GRIA3: variants seen among roughly 807,000 people sequenced by gnomAD.
GRIA3 encodes glutamate ionotropic receptor AMPA type subunit 3.
A neutral mutation model predicts 63.0 loss-of-function variants in GRIA3; 3 were observed. The ratio of observed to expected loss-of-function variants is 0.05; its 90% CI spans 0.02 to 0.12. The LOEUF (loss-of-function observed/expected upper bound fraction) is 0.12, where lower values mean the gene tolerates loss of function less well. Ranked by LOEUF, GRIA3 falls within the 10% of genes least tolerant of loss-of-function variation. The probability of loss-of-function intolerance (pLI) is 1.00; values close to 1 mark genes in which losing one functional copy is unlikely to be tolerated. For missense variants in GRIA3, 347 were observed against 700.9 expected (o/e 0.50, Z 5.70); for synonymous variants, 274 against 257.9 (o/e 1.06, Z -0.60).
intron 5 of GRIA3, among the ~76,000 whole-genome samples, chrX:123,386,312 GT>G (rs745594255): frequency 9.0e-6 from 1 of 111,055 alleles, no homozygotes; most frequent in Admixed American, 9.5e-5. Context: ...TTTTGTTTTT[GT>G]TTTTTATTGA....
At position 123,404,724 on chromosome X, in the gene GRIA3, T is replaced by C. The variant is rs2147384825; in HGVS notation, c.1310T>C (p.Met437Thr). ...VTTILESPYVMYKKNHEQLEG... is the reference protein window; with the variant it reads ...VTTILESPYVTYKKNHEQLEG... ...GTCCCAAAGGAATCACCATATGTAATGTACAAGAAGAACCATGAGCAACTG... is the reference window on the plus strand; with the variant it reads ...GTCCCAAAGGAATCACCATATGTAACGTACAAGAAGAACCATGAGCAACTG... The change falls in exon 10 of 16, where the codon ATG (methionine) becomes ACG (threonine). Residue 437 changes from methionine to threonine, a missense_variant. Met to Thr is a moderately conservative substitution (Grantham distance 81). This residue lies in a region of GRIA3 where 65 missense variants were observed against 145.8 expected (regional missense o/e 0.45). Coordinates refer to ENST00000620443, the MANE Select transcript of GRIA3 (RefSeq NM_007325.5). 1.7e-6 allele frequency: 2 copies of C among 1,198,476 alleles called. No homozygotes were observed. The highest frequency in any genetic ancestry group is 2.3e-6 in the Non-Finnish European group (2 of 883,542).
At chrX:123,432,225 G>A (rs2045621940) in intron 12 of GRIA3, among the ~76,000 whole-genome samples, 1 of 111,939 alleles carries the variant, frequency 8.9e-6, no homozygotes, top group Non-Finnish European at 1.9e-5. Context: ...GAATGTAGTA[G>A]GCACCTGGCT....
intron 12 of GRIA3, among the ~76,000 whole-genome samples, chrX:123,432,029 C>G (rs943762452): frequency 9.0e-6 from 1 of 110,989 alleles, no homozygotes. Context: ...AATGTTTAAC[C>G]TTTTGAAAAT....
At chrX:123,272,780 TGAGA>T (rs763880065) in intron 3 of GRIA3, among the ~76,000 whole-genome samples, 33 of 111,817 alleles carry the variant, frequency 3.0e-4, no homozygotes, top group Non-Finnish European at 5.3e-4. Flanking sequence ...TTTCCAGCAC[TGAGA>T]GAGAGAAACA....
rs998746468 is a variant in GRIA3 at position 123,395,142 on chromosome X, G to A, written c.912+13G>A. ...TGCACCACTAAAGGTAATGTTCCATGGCATGTAAAAAACCTAAGGCCAGCT... is the reference window on the plus strand; with the variant it reads ...TGCACCACTAAAGGTAATGTTCCATAGCATGTAAAAAACCTAAGGCCAGCT... On this transcript the variant is annotated intron_variant, in intron 6 of 15. Coordinates refer to ENST00000620443, the MANE Select transcript of GRIA3 (RefSeq NM_007325.5). 1 of 1,193,183 alleles carries A rather than the reference G, an allele frequency of 8.4e-7. No homozygotes were observed. The highest frequency in any genetic ancestry group is 1.1e-6 in the Non-Finnish European group (1 of 880,148).
intron 12 of GRIA3, among the ~76,000 whole-genome samples, chrX:123,456,199 C>T (rs1055406770): frequency 9.0e-6 from 1 of 111,180 alleles, no homozygotes; most frequent in South Asian, 3.9e-4. Flanking sequence ...ACACACTGTT[C>T]TCAGTGCTGG....
At chrX:123,411,578 T>G (rs2045506550) in intron 10 of GRIA3, among the ~76,000 whole-genome samples, 1 of 111,446 alleles carries the variant, frequency 9.0e-6, no homozygotes, top group Non-Finnish European at 1.9e-5. Context: ...TTTACAACTT[T>G]GGCAACCCAC....
chrX:123,251,238 A>T (rs1328477379), intron 2 of GRIA3, among the ~76,000 whole-genome samples: 1 of 111,746 alleles, frequency 8.9e-6, no homozygotes, highest in African/African-American at 3.3e-5. Flanking sequence ...TGTACAGAAC[A>T]TTATGTGCAC....
intron 2 of GRIA3, among the ~76,000 whole-genome samples, chrX:123,187,654 A>G (rs1037996910): frequency 1.8e-5 from 2 of 111,981 alleles, no homozygotes; most frequent in Non-Finnish European, 3.8e-5. Context: ...AACAAATAAT[A>G]TTTATTTCAA....
In GRIA3 at chrX:123,399,640, A is replaced by G. The variant is rs73229292; in HGVS notation, c.1080+837A>G. 8.0e-3 allele frequency among the ~76,000 whole-genome samples: 901 copies of G among 112,278 alleles called. 2 individuals are homozygous for G. Among genetic ancestry groups the G allele is most frequent in the Non-Finnish European group, 0.012 (641 of 53,211 alleles). ...AAAATGAGCTTTCAAGAGTACAAGA[A>G]TCTCTTATTTCTACTTATTTAGTTA... On this transcript the variant is annotated intron_variant, in intron 7 of 15. Transcript: ENST00000620443.
chrX:123,199,742 G>A (rs5911544), intron 2 of GRIA3, among the ~76,000 whole-genome samples: 26,434 of 110,878 alleles, frequency 0.24, 2,924 homozygotes, highest in Middle Eastern at 0.41. Flanking sequence ...AAGTTAATTA[G>A]AAATACAGTA....
intron 2 of GRIA3, chrX:123,202,543 C>G (rs1927770129): frequency 1.1e-5 from 10 of 920,605 alleles, no homozygotes; most frequent in Non-Finnish European, 1.5e-5. Context: ...GGTTCACCCT[C>G]TTTCCTCAAT....
At chrX:123,287,748 G>A (rs1416599370) in intron 3 of GRIA3, among the ~76,000 whole-genome samples, 3 of 111,614 alleles carry the variant, frequency 2.7e-5, no homozygotes, top group Non-Finnish European at 3.8e-5. Flanking sequence ...ACAAACCACT[G>A]ATCAAGGAAA....
At chrX:123,348,583 G>A (rs2045070000) in intron 4 of GRIA3, among the ~76,000 whole-genome samples, 1 of 111,707 alleles carries the variant, frequency 9.0e-6, no homozygotes, top group African/African-American at 3.3e-5. Flanking sequence ...ATTTGAAAAT[G>A]CAACATAGCT....
intron 12 of GRIA3, among the ~76,000 whole-genome samples, chrX:123,439,793 C>CT (rs34786936): frequency 0.018 from 1,867 of 104,884 alleles, 51 homozygotes; most frequent in African/African-American, 0.06. Context: ...TATTCTTGTT[C>CT]TTTTTTTTTT....
At chrX:123,477,349 T>TA (rs773981167) in intron 13 of GRIA3, among the ~76,000 whole-genome samples, 2 of 112,593 alleles carry the variant, frequency 1.8e-5, no homozygotes, top group South Asian at 7.4e-4. Context: ...TATGCTAACA[T>TA]AAATAATATA....
At chrX:123,356,764 C>A (rs770906311) in intron 5 of GRIA3, among the ~76,000 whole-genome samples, 16 of 111,727 alleles carry the variant, frequency 1.4e-4, no homozygotes, top group Admixed American at 8.6e-4. Flanking sequence ...GTCAAACTGA[C>A]TTTGCTACTA....
At chrX:123,185,061 G>A in intron 1 of GRIA3, 2 of 324,693 alleles carry the variant, frequency 6.2e-6, no homozygotes, top group South Asian at 5.4e-5. Context: ...GCGCCAGGGC[G>A]CATAACCCGG....
intron 3 of GRIA3, among the ~76,000 whole-genome samples, chrX:123,305,164 C>A (rs1050093609): frequency 1.8e-5 from 2 of 111,782 alleles, no homozygotes; most frequent in African/African-American, 6.5e-5. Context: ...TAAACTTAGG[C>A]TTCTAGGAGT....
Sources: allele counts gnomAD v4.1 joint callset (sites outside exome capture counted in the v4.1 genomes callset), GRCh38; gene constraint gnomAD v4.1.1; regional missense constraint gnomAD v4.1.1; transcripts MANE v1.5; gene names NCBI Gene and HGNC (gene_info 2026-07-23, HGNC 2026-07-21).